The following ADAMTSL1 variants were observed in gnomAD, a reference collection of about 807,000 sequenced individuals.
ADAMTSL1 encodes ADAMTS-like protein 1.
ADAMTSL1 carries 126 observed loss-of-function variants against 201.8 expected under a neutral mutation model. The observed-to-expected ratio is 0.62, with a 90% CI of 0.54 to 0.72. The LOEUF (loss-of-function observed/expected upper bound fraction) is 0.72. Ranked by LOEUF, ADAMTSL1 falls within the 30% of genes least tolerant of loss-of-function variation. The pLI is 0.00. For synonymous variants in ADAMTSL1, 1,121 were observed against 903.4 expected, an observed-to-expected ratio of 1.24 and a Z score of -4.32; for missense variants, 2,679 against 2,277.8, an observed-to-expected ratio of 1.18 and a Z score of -3.59.
chr9:18,694,688 C>A (rs1204156315), intron 13 of ADAMTSL1, among the ~76,000 whole-genome samples: 2 of 152,158 alleles, frequency 1.3e-5, no homozygotes, highest in African/African-American at 4.8e-5. Flanking sequence ...TGAGTGCCTG[C>A]AGCTTTTCTA....
intron 2 of ADAMTSL1, among the ~76,000 whole-genome samples, chr9:18,182,475 C>A (rs1430062724): frequency 6.6e-6 from 1 of 152,040 alleles, no homozygotes; most frequent in Non-Finnish European, 1.5e-5. Flanking sequence ...AATATAAAGA[C>A]AATAGTTTAA....
At chr9:18,030,978 T>G (rs1355754025) in intron 1 of ADAMTSL1, among the ~76,000 whole-genome samples, 1 of 152,212 alleles carries the variant, frequency 6.6e-6, no homozygotes, top group Non-Finnish European at 1.5e-5. Context: ...AATTGTATTT[T>G]AAAATTTCTG....
At chr9:18,064,535 T>G (rs1404122968) in intron 1 of ADAMTSL1, among the ~76,000 whole-genome samples, 1 of 152,216 alleles carries the variant, frequency 6.6e-6, no homozygotes, top group African/African-American at 2.4e-5. Context: ...TATTCACTTT[T>G]AAGAATCTAA....
At chr9:18,307,483 A>G in intron 2 of ADAMTSL1, among the ~76,000 whole-genome samples, 1 of 152,190 alleles carries the variant, frequency 6.6e-6, no homozygotes, top group East Asian at 1.9e-4. Flanking sequence ...GTCTTAAAAT[A>G]AAAGGATGGA....
chr9:18,596,137 T>C (rs1424250476), intron 4 of ADAMTSL1, among the ~76,000 whole-genome samples: 1 of 152,230 alleles, frequency 6.6e-6, no homozygotes, highest in Non-Finnish European at 1.5e-5. Flanking sequence ...ACATTTAAGA[T>C]ATCTGAAGCC....
chr9:18,325,740 C>G (rs2132877091), intron 2 of ADAMTSL1, among the ~76,000 whole-genome samples: 1 of 148,880 alleles, frequency 6.7e-6, no homozygotes, highest in East Asian at 2.0e-4. Context: ...TTAAAAGGAC[C>G]TTTGTTTTTT....
intron 1 of ADAMTSL1, among the ~76,000 whole-genome samples, chr9:17,918,997 C>T (rs572280343): frequency 6.6e-6 from 1 of 151,822 alleles, no homozygotes; most frequent in African/African-American, 2.4e-5. Flanking sequence ...ATTAGACAAA[C>T]ATTTCTGATT....
intron 2 of ADAMTSL1, among the ~76,000 whole-genome samples, chr9:18,382,194 G>A (rs890019876): frequency 5.3e-5 from 8 of 152,160 alleles, no homozygotes; most frequent in African/African-American, 1.4e-4. Flanking sequence ...CCGTGATTAT[G>A]TGTGTGTTTT....
chr9:18,671,838 C>G (rs34706021), intron 9 of ADAMTSL1, among the ~76,000 whole-genome samples: 1 of 152,106 alleles, frequency 6.6e-6, no homozygotes, highest in African/African-American at 2.4e-5. Context: ...GAGATCGAGA[C>G]CATCCTGGCT....
intron 2 of ADAMTSL1, among the ~76,000 whole-genome samples, chr9:18,172,430 T>C (rs1393141013): frequency 6.6e-6 from 1 of 151,872 alleles, no homozygotes; most frequent in Non-Finnish European, 1.5e-5. Flanking sequence ...ATAACAGAAA[T>C]AGCATTTCGT....
intron 2 of ADAMTSL1, among the ~76,000 whole-genome samples, chr9:18,445,622 C>T (rs998989342): frequency 6.6e-6 from 1 of 151,884 alleles, no homozygotes; most frequent in Non-Finnish European, 1.5e-5. Context: ...CAAATGTACA[C>T]CAAAAAAGAA....
chr9:18,578,088 C>A (rs375183104), intron 4 of ADAMTSL1, among the ~76,000 whole-genome samples: 5 of 151,588 alleles, frequency 3.3e-5, no homozygotes, highest in Non-Finnish European at 5.9e-5. Flanking sequence ...CCAGCCCCAG[C>A]AAATCATTGT....
chr9:18,513,526 T>G (rs1006571163), intron 2 of ADAMTSL1, among the ~76,000 whole-genome samples: 2 of 152,236 alleles, frequency 1.3e-5, no homozygotes, highest in Non-Finnish European at 2.9e-5. Flanking sequence ...TTTTTGCTTT[T>G]GTTGCTTGTG....
chr9:18,156,433 T>C (rs540705073), intron 1 of ADAMTSL1, among the ~76,000 whole-genome samples: 1 of 152,186 alleles, frequency 6.6e-6, no homozygotes, highest in African/African-American at 2.4e-5. Context: ...TAGATAATGA[T>C]GTTGACCAAT....
intron 2 of ADAMTSL1, among the ~76,000 whole-genome samples, chr9:18,176,656 T>G (rs914761139): frequency 6.6e-6 from 1 of 152,170 alleles, no homozygotes; most frequent in African/African-American, 2.4e-5. Context: ...GGAATTCAAC[T>G]TAACAACCAT....
At chr9:18,175,685 TAACTC>T (rs1292413783) in intron 2 of ADAMTSL1, among the ~76,000 whole-genome samples, 2 of 152,112 alleles carry the variant, frequency 1.3e-5, no homozygotes, top group African/African-American at 4.8e-5. Flanking sequence ...TTTCCTTTCT[TAACTC>T]AATCCAAGTC....
At position 18,908,801 on chromosome 9, in the gene ADAMTSL1, C is replaced by T. The variant is rs997907445; in HGVS notation, c.*253C>T. On this transcript the variant is annotated 3_prime_UTR_variant, in exon 29 of 29. Coordinates refer to ENST00000380548, the MANE Select transcript of ADAMTSL1 (RefSeq NM_001040272.6). ...AAAGGAGGTTGCAGAGCAGGCCAGG[C>T]AGACAGTGGGGGCTCCCTTGAAGAG... 4 of 390,754 alleles carry T rather than the reference C, an allele frequency of 1.0e-5. No homozygotes were observed. The highest frequency in any genetic ancestry group is 4.2e-5 in the Admixed American group (1 of 23,852). 24.2% of individuals were successfully genotyped at this position (390,754 alleles called of 1,614,324 possible). A position where few individuals can be genotyped will look rare whatever the true frequency, so the allele number is the denominator to read the frequency against.
At chr9:18,464,427 T>G (rs1340889228) in intron 2 of ADAMTSL1, among the ~76,000 whole-genome samples, 7 of 152,234 alleles carry the variant, frequency 4.6e-5, no homozygotes, top group Admixed American at 4.6e-4. Flanking sequence ...TGAATTCTAT[T>G]AAGATATTAA....
intron 1 of ADAMTSL1, among the ~76,000 whole-genome samples, chr9:17,999,513 C>G (rs1007918019): frequency 2.6e-5 from 4 of 151,034 alleles, no homozygotes; most frequent in African/African-American, 9.9e-5. Flanking sequence ...CATATTAATA[C>G]TATGCTCTAT....
Sources: gnomAD v4.1 joint callset for allele counts (sites outside exome capture counted in the v4.1 genomes callset) on GRCh38, gnomAD v4.1.1 for gene constraint, MANE v1.5 for transcripts, NCBI Gene and HGNC (gene_info 2026-07-23, HGNC 2026-07-21) for gene names.